SSRP1: variants seen among roughly 807,000 people sequenced by gnomAD.
The protein encoded by SSRP1 is structure specific recognition protein 1.
SSRP1 carries 21 observed loss-of-function variants against 84.4 expected under a neutral mutation model. The ratio of observed to expected loss-of-function variants is 0.25; its 90% CI spans 0.18 to 0.36. SSRP1 has a LOEUF of 0.36. Among genes scored for constraint, SSRP1 ranks in the 10% least tolerant of loss-of-function variants. SSRP1 has a pLI of 1.00. For missense variants in SSRP1, 519 were observed against 900.8 expected, an observed-to-expected ratio of 0.58 and a Z score of 5.43; for synonymous variants, 319 against 318.3, an observed-to-expected ratio of 1.00 and a Z score of -0.02.
At position 57,327,886 on chromosome 11, in the gene SSRP1, C is replaced by T; in HGVS notation, c.1612-4G>A. ...TGGGGTCTTTGCCCTTCTTCACCTA[C>T]ATAAGAACCCAAATGCCTTCAGCTA... On this transcript the variant is annotated splice_polypyrimidine_tract_variant and splice_region_variant and intron_variant, in intron 13 of 16. Transcript: ENST00000278412. 2.5e-6 allele frequency: 4 copies of T among 1,612,142 alleles called. No individual in the cohort carries two copies. The highest frequency in any genetic ancestry group is 3.4e-6 in the Non-Finnish European group (4 of 1,178,662).
At chr11:57,329,270 G>C (rs1418845886) in intron 12 of SSRP1, 1 of 152,186 alleles carries the variant, frequency 6.6e-6, no homozygotes, top group African/African-American at 2.4e-5. Context: ...TAAGAGAGCA[G>C]AGTCCCAATT....
chr11:57,333,362 A>C (rs1158454959), intron 4 of SSRP1, 73 bp downstream of exon 4: 1 of 1,385,242 alleles, frequency 7.2e-7, no homozygotes. Flanking sequence ...GAGGGAAAAG[A>C]GCAAAACAAG....
chr11:57,327,538 A>G, intron 14 of SSRP1, 24 bp from the exon 15 acceptor site: 1 of 1,613,676 alleles, frequency 6.2e-7, no homozygotes, highest in Non-Finnish European at 8.5e-7. Context: ...AGAAAAAAAC[A>G]GTTAAGAATA....
chr11:57,328,846 C>CT (rs890723621), intron 12 of SSRP1: 29 of 157,172 alleles, frequency 1.8e-4, no homozygotes, highest in Non-Finnish European at 3.1e-4. Context: ...TTTTTGTCTT[C>CT]TTTTTTTTTC....
chr11:57,326,586 T>C (rs1855985965), intron 16 of SSRP1, 108 bp from the exon 17 acceptor site: 2 of 1,437,900 alleles, frequency 1.4e-6, no homozygotes, highest in Admixed American at 1.8e-5. Flanking sequence ...AGCACCCCCC[T>C]TCAGAACCTC....
At chr11:57,326,594 C>T in intron 16 of SSRP1, 109 bp downstream of exon 16, 1 of 1,586,022 alleles carries the variant, frequency 6.3e-7, no homozygotes, top group Non-Finnish European at 8.6e-7. Context: ...CCTTCAGAAC[C>T]TCAGAATTCC....
chr11:57,333,392 A>T, intron 4 of SSRP1, 43 bp downstream of exon 4: 1 of 1,526,218 alleles, frequency 6.6e-7, no homozygotes. Context: ...GAAACCCTTC[A>T]CCCTATCTTC....
intron 8 of SSRP1, 99 bp from the exon 9 acceptor site, chr11:57,331,988 TA>T: frequency 6.7e-7 from 1 of 1,491,746 alleles, no homozygotes; most frequent in Non-Finnish European, 9.2e-7. Flanking sequence ...CTCGACTAAG[TA>T]AACCTCACTG....
In SSRP1 at chr11:57,326,090, T is replaced by A; in HGVS notation, c.*317A>T. ...TAGGAGCTACAGGCCTGGCCTCACA[T>A]GACCCCTGCTCCAGCAACTTGAACA... On this transcript the variant is annotated 3_prime_UTR_variant, in exon 17 of 17. Coordinates refer to ENST00000278412, the MANE Select transcript of SSRP1 (RefSeq NM_003146.3). 1 of 376,042 alleles carries A rather than the reference T, an allele frequency of 2.7e-6. No individual in the cohort carries two copies. Among genetic ancestry groups the A allele is most frequent in the Non-Finnish European group, 4.8e-6 (1 of 206,234 alleles). 23.3% of individuals were successfully genotyped at this position (376,042 alleles called of 1,614,324 possible).
intron 3 of SSRP1, among the ~76,000 whole-genome samples, chr11:57,333,744 G>C (rs532637240): frequency 6.6e-6 from 1 of 152,316 alleles, no homozygotes; most frequent in Admixed American, 6.5e-5. Context: ...CTGGTTACGG[G>C]CCATCTGACT....
At chr11:57,327,291 G>A (rs2134384792) in intron 15 of SSRP1, 135 bp downstream of exon 15, 2 of 925,218 alleles carry the variant, frequency 2.2e-6, no homozygotes, top group Non-Finnish European at 3.4e-6. Context: ...GCCTACCCAG[G>A]TTTGAGAAGC....
chr11:57,331,289 G>A (rs1856085109), intron 9 of SSRP1, among the ~76,000 whole-genome samples: 1 of 152,104 alleles, frequency 6.6e-6, no homozygotes, highest in South Asian at 2.1e-4. Flanking sequence ...CTTATAAAAC[G>A]TTTAGTCCAC....
Position 57,335,881 on chromosome 11 carries a change from G to A in SSRP1, c.-271C>T, listed in dbSNP as rs1856209816. The A allele has an allele frequency of 6.6e-6, 1 of 152,324 alleles. No homozygotes were observed. The highest frequency in any genetic ancestry group is 1.5e-5 in the Non-Finnish European group (1 of 68,114). The allele number at this position is 152,324 out of a possible 1,614,324, so 9.4% of individuals were successfully genotyped here. On this transcript the variant is annotated 5_prime_UTR_variant, in exon 1 of 17. Coordinates refer to ENST00000278412, the MANE Select transcript of SSRP1 (RefSeq NM_003146.3). This position sits in a 1 kb window ranked among gnomAD's most constrained non-coding sequence, Gnocchi z 4.6. ...GTCCCGCCACCGGAAGCCGTACACA[G>A]GCCACAGAGAGGATGAGCTGGCTAG...
chr11:57,326,071 C>G lies in SSRP1; in HGVS notation c.*336G>C. 6.3e-6 allele frequency: 2 copies of G among 318,364 alleles called. 1 individual carries two copies. 19.7% of individuals were successfully genotyped at this position (318,364 alleles called of 1,614,324 possible). A position where few individuals can be genotyped will look rare whatever the true frequency, so the allele number is the denominator to read the frequency against. Reference sequence around the variant, plus strand: ...AGTAGAAATAGGCCCCAGGTAGGAGCTACAGGCCTGGCCTCACATGACCCC... The same window carrying G: ...AGTAGAAATAGGCCCCAGGTAGGAGGTACAGGCCTGGCCTCACATGACCCC... On this transcript the variant is annotated 3_prime_UTR_variant, in exon 17 of 17. Transcript: ENST00000278412.
At position 57,326,275 on chromosome 11, in the gene SSRP1, A is replaced by G. The variant is rs912877158; in HGVS notation, c.*132T>C. On this transcript the variant is annotated 3_prime_UTR_variant, in exon 17 of 17. Transcript: ENST00000278412. ...TCCCCACTGCCCTAGTGACATACAC[A>G]CCAACAGGAGAGCATGTTCAGATGG... The G allele has an allele frequency of 1.1e-5, 9 of 842,530 alleles. No individual in the cohort carries two copies. The South Asian group carries it at 1.3e-4, about 13-fold the overall frequency. The allele number at this position is 842,530 out of a possible 1,614,324, so 52.2% of individuals were successfully genotyped here. A position where few individuals can be genotyped will look rare whatever the true frequency, so the allele number is the denominator to read the frequency against.
rs542109626 is a variant in SSRP1 at position 57,326,836 on chromosome 11, G to C, written c.1925C>G (p.Thr642Arg). Reference sequence around the variant, plus strand: ...CTTGGATGATGAGCCCCTAGAGGGCGTGGATTTCTTTTCCATCTTTACCTT... The same window carrying C: ...CTTGGATGATGAGCCCCTAGAGGGCCTGGATTTCTTTTCCATCTTTACCTT... ...KVKVKMEKKSTPSRGSSSKSS... is the reference protein window; with the variant it reads ...KVKVKMEKKSRPSRGSSSKSS... The change falls in exon 16 of 17, where the codon ACG becomes AGG. Residue 642 changes from threonine to arginine, a missense_variant. Thr to Arg is a moderately conservative substitution (Grantham distance 71). Around this residue, in one of 7 missense-constraint regions of SSRP1, gnomAD observed 197 missense variants for 265.0 expected, o/e 0.74. Transcript: ENST00000278412. 1 of 1,614,054 alleles carries C rather than the reference G, an allele frequency of 6.2e-7. No homozygotes were observed. Among genetic ancestry groups the C allele is most frequent in the Non-Finnish European group, 8.5e-7 (1 of 1,179,990 alleles).
intron 3 of SSRP1, among the ~76,000 whole-genome samples, chr11:57,334,126 C>G (rs1313894142): frequency 1.3e-5 from 2 of 152,232 alleles, no homozygotes; most frequent in Non-Finnish European, 2.9e-5. Context: ...GCACTCCAGC[C>G]TGGGTGACAG....
chr11:57,330,500 A>G lies in SSRP1; in HGVS notation c.1297-71T>C, dbSNP rs1590607425. ...AGAATCCCTGCACACTCAAAAGCAC[A>G]CCCCCATGCCTGTCAAGTCAGAGCA... On this transcript the variant is annotated intron_variant, in intron 10 of 16. Coordinates refer to ENST00000278412, the MANE Select transcript of SSRP1 (RefSeq NM_003146.3). The surrounding 1 kb of genome is among the most constrained non-coding windows in gnomAD (Gnocchi z 4.0). 5 of 1,584,988 alleles carry G rather than the reference A, an allele frequency of 3.2e-6. No individual in the cohort carries two copies. Among genetic ancestry groups the G allele is most frequent in the Non-Finnish European group, 3.4e-6 (4 of 1,167,432 alleles).
intron 2 of SSRP1, 59 bp from the exon 3 acceptor site, chr11:57,334,707 C>CAGCTCTACCTA: frequency 6.3e-7 from 1 of 1,578,892 alleles, no homozygotes; most frequent in Non-Finnish European, 8.6e-7. Flanking sequence ...CTGGGTTCTA[C>CAGCTCTACCTA]AGCTCTACCT....
Sources: gnomAD v4.1 joint callset for allele counts (sites outside exome capture counted in the v4.1 genomes callset) on GRCh38, gnomAD v4.1.1 for gene constraint, gnomAD v4.1.1 regional missense constraint, Gnocchi (gnomAD v3.1) non-coding constraint, MANE v1.5 for transcripts, NCBI Gene and HGNC (gene_info 2026-07-23, HGNC 2026-07-21) for gene names.